Variants in MORC2 observed in about 807,000 individuals in gnomAD.
MORC2 encodes MORC family CW-type zinc finger 2.
Under a neutral mutation model 136.0 loss-of-function variants are expected in MORC2, and 30 were observed. The observed-to-expected ratio is 0.22, with a 90% CI of 0.17 to 0.30. The LOEUF (loss-of-function observed/expected upper bound fraction) is 0.30, where lower values mean the gene tolerates loss of function less well. MORC2 is among the 10% of genes least tolerant of loss of function. The probability of loss-of-function intolerance (pLI) is 1.00; values close to 1 mark genes in which losing one functional copy is unlikely to be tolerated. For missense variants in MORC2, 922 were observed against 1,333.1 expected (o/e 0.69, Z 4.80); for synonymous variants, 439 against 487.0 (o/e 0.90, Z 1.30).
chr22:30,962,164 C>A (rs1211521270), intron 1 of MORC2, among the ~76,000 whole-genome samples: 1 of 150,638 alleles, frequency 6.6e-6, no homozygotes, highest in African/African-American at 2.5e-5. Flanking sequence ...ATTGTGAGAT[C>A]GCGCCACTGT....
intron 3 of MORC2, among the ~76,000 whole-genome samples, chr22:30,955,813 A>G (rs2040958721): frequency 6.6e-6 from 1 of 151,988 alleles, no homozygotes; most frequent in African/African-American, 2.4e-5. Flanking sequence ...GTTTGAGACC[A>G]GCCTGGCCGA....
chr22:30,951,571 C>A (rs551152279), intron 3 of MORC2, among the ~76,000 whole-genome samples: 2 of 152,300 alleles, frequency 1.3e-5, no homozygotes, highest in South Asian at 4.1e-4. Context: ...ATAAAGGTAG[C>A]ATTTCTAAGA....
rs144295919 is a variant in MORC2, at chr22:30,937,489, A to C, written c.1498+94T>G. Reference sequence around the variant, plus strand: ...TCCCTAGGGGACTGTAAGTCCATGAATGTCAGTCAAGTTAGGAGGCTGGCA... The same window carrying C: ...TCCCTAGGGGACTGTAAGTCCATGACTGTCAGTCAAGTTAGGAGGCTGGCA... On this transcript the variant is annotated intron_variant, in intron 15 of 25. Coordinates refer to ENST00000397641, the MANE Select transcript of MORC2 (RefSeq NM_001303256.3). This position sits in a 1 kb window ranked among gnomAD's most constrained non-coding sequence, Gnocchi z 4.7. The C allele has an allele frequency of 7.3e-3, 11,212 of 1,533,030 alleles. 73 individuals carry two copies. The highest frequency in any genetic ancestry group is 0.017 in the Middle Eastern group (69 of 4,072). The allele number at this position is 1,533,030 out of a possible 1,614,324, so 95.0% of individuals were successfully genotyped here.
Position 30,927,046 on chromosome 22 carries a change from T to C in MORC2, c.3031-175A>G, listed in dbSNP as rs183581128. 1.7e-4 allele frequency among the ~76,000 whole-genome samples: 26 copies of C among 152,184 alleles called. No individual in the cohort carries two copies. The East Asian group carries it at 4.6e-3, about 27-fold the overall frequency. ...TAATCACTCTCCCCTCCCTCATCTA[T>C]TGTGCACAGATGATGCCCAGATTTC... On this transcript the variant is annotated intron_variant, in intron 25 of 25. Transcript: ENST00000397641.
At chr22:30,959,237 G>T (rs1327884409) in intron 1 of MORC2, among the ~76,000 whole-genome samples, 1 of 152,156 alleles carries the variant, frequency 6.6e-6, no homozygotes, top group Non-Finnish European at 1.5e-5. Flanking sequence ...CCTCCCAGAG[G>T]AGATGACCAC....
chr22:30,936,825 A>C, intron 16 of MORC2, 107 bp downstream of exon 16: 1 of 1,301,000 alleles, frequency 7.7e-7, no homozygotes, highest in Non-Finnish European at 1.1e-6. Flanking sequence ...GGCAGTTATT[A>C]GGTGTGGCAA....
Position 30,941,474 on chromosome 22 carries a change from C to A in MORC2, c.783G>T (p.Lys261Asn). Residue 261 changes from lysine (K) to asparagine (N), a missense_variant, in exon 9 of 26, where the codon AAG (lysine) becomes AAT (asparagine). Physicochemically the swap from Lys to Asn is moderately conservative, Grantham distance 94. Transcript: ENST00000397641. This position sits in a 1 kb window ranked among gnomAD's most constrained non-coding sequence, Gnocchi z 4.6. ...PRMRIFIHGH[K>N]VQTKRLSCCL... is the part of the protein sequence containing the mutation. Reference sequence around the variant, plus strand: ...AGCAGGAGAGCCTCTTGGTCTGCACCTTGTGCCCATGGATGAAGATCCTCA... The same window carrying A: ...AGCAGGAGAGCCTCTTGGTCTGCACATTGTGCCCATGGATGAAGATCCTCA... 3 of 1,614,010 alleles carry A rather than the reference C, an allele frequency of 1.9e-6. No homozygotes were observed. Among genetic ancestry groups the A allele is most frequent in the Non-Finnish European group, 1.7e-6 (2 of 1,179,986 alleles).
chr22:30,959,154 C>CTGGAGTACACAAGTCAT (rs2041008009), intron 1 of MORC2, among the ~76,000 whole-genome samples: 1 of 152,150 alleles, frequency 6.6e-6, no homozygotes, highest in African/African-American at 2.4e-5. Context: ...TCATTCTTGT[C>CTGGAGTACACAAGTCAT]ACTCGGACTG....
chr22:30,929,071 T>A (rs1412503955), intron 24 of MORC2, among the ~76,000 whole-genome samples: 2 of 152,230 alleles, frequency 1.3e-5, no homozygotes, highest in Non-Finnish European at 2.9e-5. Context: ...ATGCCATTTT[T>A]AAAAACTGTT....
Position 30,949,655 on chromosome 22 carries a change from T to C in MORC2, c.317+97A>G, listed in dbSNP as rs556243066. The C allele has an allele frequency of 5.8e-6, 6 of 1,029,756 alleles. No individual in the cohort carries two copies. In the African/African-American group the frequency reaches 6.3e-5, roughly 11 times the overall value. 63.8% of individuals were successfully genotyped at this position (1,029,756 alleles called of 1,614,324 possible). On this transcript the variant is annotated intron_variant, in intron 5 of 25. Coordinates refer to ENST00000397641, the MANE Select transcript of MORC2 (RefSeq NM_001303256.3). ...CTTCCAGTTCCAGAATTATAGTCAATAGAGGGACAAGGAGAAGGAAAGTTT... is the reference window on the plus strand; with the variant it reads ...CTTCCAGTTCCAGAATTATAGTCAACAGAGGGACAAGGAGAAGGAAAGTTT...
chr22:30,967,089 A>G, intron 1 of MORC2: 2 of 984,512 alleles, frequency 2.0e-6, no homozygotes, highest in Non-Finnish European at 2.4e-6. Flanking sequence ...GTAACAGGTG[A>G]ATGTATTAAA....
At chr22:30,952,389 A>G (rs1259642184) in intron 3 of MORC2, among the ~76,000 whole-genome samples, 1 of 152,224 alleles carries the variant, frequency 6.6e-6, no homozygotes, top group Non-Finnish European at 1.5e-5. Flanking sequence ...ACTGCCTAAG[A>G]AGTTACTTTC....
intron 5 of MORC2, among the ~76,000 whole-genome samples, chr22:30,947,550 CAAAT>C (rs1325077758): frequency 1.3e-5 from 2 of 152,170 alleles, no homozygotes; most frequent in East Asian, 3.9e-4. Context: ...GCCAAGCACA[CAAAT>C]GAATGTCATG....
intron 3 of MORC2, 64 bp downstream of exon 3, chr22:30,956,699 C>A: frequency 7.8e-7 from 1 of 1,289,564 alleles, no homozygotes; most frequent in Non-Finnish European, 1.1e-6. Context: ...CTCAATTCTT[C>A]TTAGGCACAG....
chr22:30,929,300 ATAAT>A, intron 24 of MORC2, among the ~76,000 whole-genome samples: 1 of 152,228 alleles, frequency 6.6e-6, no homozygotes, highest in Non-Finnish European at 1.5e-5. Flanking sequence ...AGATTCACAT[ATAAT>A]TGTTACATTA....
At chr22:30,929,870 GAC>G (rs1480676793) in intron 24 of MORC2, 2 of 150,810 alleles carry the variant, frequency 1.3e-5, no homozygotes, top group South Asian at 2.1e-4. Flanking sequence ...CTTTTTTTTT[GAC>G]ACAGTCTCGC....
In MORC2 at chr22:30,967,056, G is replaced by C. The variant is rs1368789592; in HGVS notation, c.68+766C>G. The C allele has an allele frequency of 6.2e-6, 6 of 973,016 alleles. No individual in the cohort carries two copies. The Admixed American group carries it at 3.1e-4, about 50-fold the overall frequency. The allele number at this position is 973,016 out of a possible 1,614,324, so 60.3% of individuals were successfully genotyped here. A position where few individuals can be genotyped will look rare whatever the true frequency, so the allele number is the denominator to read the frequency against. On this transcript the variant is annotated intron_variant, in intron 1 of 25. Transcript: ENST00000397641. ...CTCCTCTCCAGGTACTAGAATGTTAGAACACTTACCTTCATCTCAAAAGTA... is the reference window on the plus strand; with the variant it reads ...CTCCTCTCCAGGTACTAGAATGTTACAACACTTACCTTCATCTCAAAAGTA...
At chr22:30,947,130 G>A (rs577239967) in intron 5 of MORC2, among the ~76,000 whole-genome samples, 1 of 152,322 alleles carries the variant, frequency 6.6e-6, no homozygotes, top group East Asian at 1.9e-4. Flanking sequence ...TCCAATAACT[G>A]GAGCTATCTC....
chr22:30,941,300 G>GCAACTTAAA lies in MORC2; in HGVS notation c.824+124_824+132dup. The GCAACTTAAA allele has an allele frequency of 7.6e-7, 1 of 1,311,384 alleles. No individual in the cohort carries two copies. The highest frequency in any genetic ancestry group is 1.0e-6 in the Non-Finnish European group (1 of 976,642). The allele number at this position is 1,311,384 out of a possible 1,614,324, so 81.2% of individuals were successfully genotyped here. A position where few individuals can be genotyped will look rare whatever the true frequency, so the allele number is the denominator to read the frequency against. ...GAACTGACCCTGTGACCAATCACAG[G>GCAACTTAAA]CAACTTAAAGTCCCAAACGTAGTCA... On this transcript the variant is annotated intron_variant, in intron 9 of 25. Coordinates refer to ENST00000397641, the MANE Select transcript of MORC2 (RefSeq NM_001303256.3). This position sits in a 1 kb window ranked among gnomAD's most constrained non-coding sequence, Gnocchi z 4.6.
Sources: allele counts gnomAD v4.1 joint callset (sites outside exome capture counted in the v4.1 genomes callset), GRCh38; gene constraint gnomAD v4.1.1; non-coding constraint Gnocchi (gnomAD v3.1); transcripts MANE v1.5; gene names NCBI Gene and HGNC (gene_info 2026-07-23, HGNC 2026-07-21).